The following PTGER2 variants were observed in gnomAD, a reference collection of about 807,000 sequenced individuals.
PTGER2 encodes prostaglandin E receptor 2, also known as prostaglandin E2 receptor EP2 subtype.
In PTGER2, 22 loss-of-function variants were observed where a neutral mutation model predicts 26.2. The ratio of observed to expected loss-of-function variants is 0.84; its 90% confidence interval spans 0.60 to 1.20. The LOEUF is 1.20. Among genes scored for constraint, PTGER2 ranks in the 50% most tolerant of loss-of-function variants. The pLI is 0.00. For synonymous variants in PTGER2, 219 were observed against 208.9 expected (o/e 1.05, Z -0.42); for missense variants, 458 against 475.2 (o/e 0.96, Z 0.34).
intron 1 of PTGER2, 112 bp downstream of exon 1, chr14:52,315,503 T>TA: frequency 7.3e-7 from 1 of 1,363,504 alleles, no homozygotes; most frequent in Non-Finnish European, 9.9e-7. Flanking sequence ...CTTGTAAAAA[T>TA]ATGTCCTAAT....
intron 1 of PTGER2, among the ~76,000 whole-genome samples, chr14:52,321,380 G>A (rs1300594906): frequency 2.0e-5 from 3 of 152,064 alleles, no homozygotes. Flanking sequence ...AAAGTGTGGA[G>A]GAAAAACAAG....
intron 1 of PTGER2, among the ~76,000 whole-genome samples, chr14:52,321,653 C>A (rs2140037842): frequency 6.6e-6 from 1 of 152,324 alleles, no homozygotes; most frequent in African/African-American, 2.4e-5. Context: ...TCTCTACTTA[C>A]CCAGACTGTA....
In PTGER2 at chr14:52,315,212, C is replaced by T. The variant is rs2033825468; in HGVS notation, c.664C>T (p.Leu222Phe). Residue 222 changes from leucine to phenylalanine, a missense_variant, in exon 1 of 2, where the codon CTC (leucine) becomes TTC (phenylalanine). Leu to Phe is a conservative substitution (Grantham distance 22, BLOSUM62 0). Coordinates refer to ENST00000245457, the MANE Select transcript of PTGER2 (RefSeq NM_000956.4). ...CTGCAACTTCAGTGTCATTCTCAAC[C>T]TCATCCGCATGCACCGCCGAAGCCG... Reference protein sequence around the residue: ...LACNFSVILNLIRMHRRSRRS... With the variant: ...LACNFSVILNFIRMHRRSRRS... 1 of 1,611,008 alleles carries T rather than the reference C, an allele frequency of 6.2e-7. No homozygotes were observed. Among genetic ancestry groups the T allele is most frequent in the Admixed American group, 1.7e-5 (1 of 60,002 alleles).
chr14:52,321,899 G>A (rs1458867590), intron 1 of PTGER2, among the ~76,000 whole-genome samples: 1 of 152,180 alleles, frequency 6.6e-6, no homozygotes, highest in African/African-American at 2.4e-5. Flanking sequence ...AAAGCTCAAA[G>A]TCATTTGTTT....
chr14:52,315,484 T>G, intron 1 of PTGER2, 93 bp downstream of exon 1: 1 of 1,471,774 alleles, frequency 6.8e-7, no homozygotes, highest in Non-Finnish European at 9.1e-7. Flanking sequence ...CCCTACAAAC[T>G]TTTTGCAACT....
intron 1 of PTGER2, among the ~76,000 whole-genome samples, chr14:52,324,870 G>C (rs1219649053): frequency 6.6e-6 from 1 of 152,156 alleles, no homozygotes; most frequent in Non-Finnish European, 1.5e-5. Flanking sequence ...TGGGCGCAGT[G>C]GCTCACACCT....
Position 52,327,483 on chromosome 14 carries a change from A to G in PTGER2, c.*29A>G, listed in dbSNP as rs2033963934. ...CAGTAGTTTAAAAGTTCTTAGTTAT[A>G]TAGCATCTGGAAGATCATTTTGAAA... On this transcript the variant is annotated 3_prime_UTR_variant, in exon 2 of 2. Transcript: ENST00000245457. 4.0e-6 allele frequency: 6 copies of G among 1,488,858 alleles called. No individual in the cohort carries two copies. Among genetic ancestry groups the G allele is most frequent in the African/African-American group, 2.8e-5 (2 of 71,516 alleles). The allele number at this position is 1,488,858 out of a possible 1,614,324, so 92.2% of individuals were successfully genotyped here.
rs1253298253 is a variant in PTGER2, at chr14:52,315,208, C to T, written c.660C>T (p.Leu220=). The T allele has an allele frequency of 1.5e-5, 24 of 1,610,864 alleles. No homozygotes were observed. Among genetic ancestry groups the T allele is most frequent in the Non-Finnish European group, 1.9e-5 (23 of 1,179,960 alleles). ...TCGCCTGCAACTTCAGTGTCATTCT[C>T]AACCTCATCCGCATGCACCGCCGAA... ...SVLACNFSVI[L]NLIRMHRRSR... Residue 220 remains leucine (L), a synonymous_variant, in exon 1 of 2, where the codon CTC becomes CTT. Coordinates refer to ENST00000245457, the MANE Select transcript of PTGER2 (RefSeq NM_000956.4).
intron 1 of PTGER2, among the ~76,000 whole-genome samples, chr14:52,326,413 T>C (rs45600732): frequency 0.16 from 24,715 of 152,198 alleles, 2,435 homozygotes; most frequent in South Asian, 0.46. Flanking sequence ...ATAATAACAA[T>C]GAACACTGTG....
intron 1 of PTGER2, among the ~76,000 whole-genome samples, chr14:52,320,953 T>C (rs1044254457): frequency 1.2e-4 from 19 of 152,088 alleles, no homozygotes; most frequent in African/African-American, 4.6e-4. Context: ...TTTATATGAG[T>C]TTATGTTTAT....
intron 1 of PTGER2, among the ~76,000 whole-genome samples, chr14:52,315,685 C>T (rs1566494831): frequency 6.6e-6 from 1 of 152,188 alleles, no homozygotes; most frequent in Non-Finnish European, 1.5e-5. Context: ...TAGCCCTGGG[C>T]AGTGTCCCTT....
chr14:52,322,714 C>T (rs1220890187), intron 1 of PTGER2, among the ~76,000 whole-genome samples: 1 of 152,082 alleles, frequency 6.6e-6, no homozygotes, highest in Non-Finnish European at 1.5e-5. Flanking sequence ...AGACCTCCCC[C>T]CAGGAATGCA....
In PTGER2 at chr14:52,315,334, C is replaced by G. The variant is rs148307308; in HGVS notation, c.786C>G (p.His262Gln). Reference sequence around the variant, plus strand: ...TGTCCATGGCGGAGGAGACGGACCACCTCATTCTCCTGGCTATCATGACCA... The same window carrying G: ...TGTCCATGGCGGAGGAGACGGACCAGCTCATTCTCCTGGCTATCATGACCA... The part of the protein sequence containing the change: ...ERVSMAEETD[H>Q]LILLAIMTIT... Residue 262 changes from histidine (H) to glutamine (Q), a missense_variant, in exon 1 of 2, where the codon CAC becomes CAG. His to Gln is a conservative substitution (Grantham distance 24). Transcript: ENST00000245457. The G allele has an allele frequency of 1.1e-5, 18 of 1,613,464 alleles. No homozygotes were observed. The highest frequency in any genetic ancestry group is 1.4e-5 in the Non-Finnish European group (17 of 1,179,910).
chr14:52,315,298 A>AG lies in PTGER2; in HGVS notation c.754dup (p.Glu252GlyfsTer37), dbSNP rs768791506. 8.1e-6 allele frequency: 13 copies of AG among 1,612,250 alleles called. No homozygotes were observed. The highest frequency in any genetic ancestry group is 9.3e-6 in the Non-Finnish European group (11 of 1,179,570). ...GGGGCGGCCCCGGGGCCCGCAGGAG[A>AG]GGGGAAAGGGTGTCCATGGCGGAGG... is the stretch of plus-strand genomic sequence containing the variant. On this transcript the variant is annotated frameshift_variant, in exon 1 of 2. Coordinates refer to ENST00000245457, the MANE Select transcript of PTGER2 (RefSeq NM_000956.4). LOFTEE classifies it high-confidence loss of function.
intron 1 of PTGER2, among the ~76,000 whole-genome samples, chr14:52,325,909 C>G (rs1317703167): frequency 6.6e-6 from 1 of 152,168 alleles, no homozygotes; most frequent in African/African-American, 2.4e-5. Flanking sequence ...AGAGTAAGTA[C>G]TCAGAGAAGG....
In PTGER2 at chr14:52,314,921, C is replaced by T; in HGVS notation, c.373C>T (p.Leu125Phe). Residue 125 changes from leucine (L) to phenylalanine (F), a missense_variant, in exon 1 of 2, where the codon CTC (leucine) becomes TTC (phenylalanine). Leu to Phe is a conservative substitution (Grantham distance 22, BLOSUM62 0). Coordinates refer to ENST00000245457, the MANE Select transcript of PTGER2 (RefSeq NM_000956.4). This position sits in a 1 kb window ranked among gnomAD's most constrained non-coding sequence, Gnocchi z 5.7. ...GACCTTCTTCAGCCTGGCCACGATG[C>T]TCATGCTCTTCGCCATGGCCCTGGA... ...AMTFFSLATM[L>F]MLFAMALERY... is the part of the protein sequence containing the mutation. 6.2e-7 allele frequency: 1 copy of T among 1,612,722 alleles called. No individual in the cohort carries two copies. Among genetic ancestry groups the T allele is most frequent in the Non-Finnish European group, 8.5e-7 (1 of 1,179,738 alleles).
At chr14:52,325,999 C>T (rs1460204226) in intron 1 of PTGER2, among the ~76,000 whole-genome samples, 2 of 152,190 alleles carry the variant, frequency 1.3e-5, no homozygotes, top group Non-Finnish European at 2.9e-5. Context: ...GTAAGAAAGA[C>T]CCTGGAGCCT....
At chr14:52,324,073 T>C (rs1240432334) in intron 1 of PTGER2, among the ~76,000 whole-genome samples, 1 of 152,156 alleles carries the variant, frequency 6.6e-6, no homozygotes, top group Non-Finnish European at 1.5e-5. Flanking sequence ...AGAGTTTCAA[T>C]TTGGGATGAT....
At chr14:52,324,856 T>C (rs2033933692) in intron 1 of PTGER2, among the ~76,000 whole-genome samples, 1 of 151,962 alleles carries the variant, frequency 6.6e-6, no homozygotes, top group Non-Finnish European at 1.5e-5. Flanking sequence ...AAGAAGGAAC[T>C]GGCTGGGCGC....
Sources: allele counts gnomAD v4.1 joint callset (sites outside exome capture counted in the v4.1 genomes callset), GRCh38; gene constraint gnomAD v4.1.1; non-coding constraint Gnocchi (gnomAD v3.1); transcripts MANE v1.5; gene names NCBI Gene and HGNC (gene_info 2026-07-23, HGNC 2026-07-21).